INPP4B: variants seen among roughly 807,000 people sequenced by gnomAD.
The protein encoded by INPP4B is inositol polyphosphate 4-phosphatase type II.
A neutral mutation model predicts 122.5 loss-of-function variants in INPP4B; 55 were observed. The ratio of observed to expected loss-of-function variants is 0.45; its 90% CI spans 0.36 to 0.56. The LOEUF (loss-of-function observed/expected upper bound fraction) is 0.56. Ranked by LOEUF, INPP4B falls within the 20% of genes least tolerant of loss-of-function variation. INPP4B has a pLI of 0.00. For missense variants in INPP4B, 1,000 were observed against 1,097.7 expected (o/e 0.91, Z 1.26); for synonymous variants, 403 against 388.7 (o/e 1.04, Z -0.43).
chr4:142,166,820 A>C (rs1822983509), intron 16 of INPP4B, among the ~76,000 whole-genome samples: 1 of 151,970 alleles, frequency 6.6e-6, no homozygotes, highest in African/African-American at 2.4e-5. Flanking sequence ...AGAGAAATGC[A>C]AGTCAAAACC....
intron 21 of INPP4B, among the ~76,000 whole-genome samples, chr4:142,115,268 C>T (rs1426087358): frequency 6.6e-6 from 1 of 152,180 alleles, no homozygotes; most frequent in African/African-American, 2.4e-5. Flanking sequence ...CGTCCCAAAT[C>T]TAGCAAGGCA....
intron 23 of INPP4B, among the ~76,000 whole-genome samples, chr4:142,088,997 T>C (rs1001999637): frequency 6.6e-6 from 1 of 152,168 alleles, no homozygotes; most frequent in Non-Finnish European, 1.5e-5. Flanking sequence ...CCAGCAAAGA[T>C]AATGCTTTGC....
chr4:142,284,568 A>ATTC lies in INPP4B; in HGVS notation c.504-13797_504-13795dup, dbSNP rs746279958. Among the ~76,000 whole-genome samples the ATTC allele has an allele frequency of 2.6e-5, 4 of 152,162 alleles. No homozygotes were observed. The South Asian group carries it at 8.3e-4, about 32-fold the overall frequency. The stretch of plus-strand genomic sequence containing the variant: ...TAAATGTGGAGTGGGAACTTGTCAG[A>ATTC]TTCTTCTTCTCAGTGAAACAGAAAC... On this transcript the variant is annotated intron_variant, in intron 9 of 25. Coordinates refer to ENST00000262992, the MANE Select transcript of INPP4B (RefSeq NM_001101669.3).
At chr4:142,719,160 G>A (rs1052767814) in intron 2 of INPP4B, among the ~76,000 whole-genome samples, 1 of 152,092 alleles carries the variant, frequency 6.6e-6, no homozygotes, top group Non-Finnish European at 1.5e-5. Context: ...ACACTTGGTT[G>A]ACTCACACCC....
Position 142,123,426 on chromosome 4 carries a change from A to G in INPP4B, c.1894-11T>C, listed in dbSNP as rs776752882. On this transcript the variant is annotated splice_polypyrimidine_tract_variant and intron_variant, in intron 19 of 25. Transcript: ENST00000262992. ...AACCAATCCAGCAAGCTGAAAAAAA[A>G]ATATTGATGAGATTTACTGCAGTTA... The G allele has an allele frequency of 1.2e-6, 2 of 1,608,020 alleles. No homozygotes were observed. Among genetic ancestry groups the G allele is most frequent in the African/African-American group, 2.7e-5 (2 of 74,750 alleles).
rs780650077 is a variant in INPP4B at position 142,520,821 on chromosome 4, G to T, written c.-190-58095C>A. Among the ~76,000 whole-genome samples the T allele has an allele frequency of 4.3e-4, 66 of 151,998 alleles. No individual in the cohort carries two copies. In the Middle Eastern group the frequency reaches 0.014, roughly 31 times the overall value. On this transcript the variant is annotated intron_variant, in intron 2 of 25. Transcript: ENST00000262992. ...AAAATATTTGTTGAAATAAATGAAT[G>T]AATAAATGAAGGACAGATGTCTACA...
chr4:142,093,759 C>T (rs957015579), intron 23 of INPP4B, among the ~76,000 whole-genome samples: 1 of 152,094 alleles, frequency 6.6e-6, no homozygotes, highest in Admixed American at 6.5e-5. Context: ...TTCCAATTTT[C>T]AATTTATGAA....
At chr4:142,244,194 G>A (rs1860938392) in intron 11 of INPP4B, among the ~76,000 whole-genome samples, 1 of 150,060 alleles carries the variant, frequency 6.7e-6, no homozygotes, top group African/African-American at 2.5e-5. Flanking sequence ...AGTTTGCTGA[G>A]AATAATGGTT....
At chr4:142,791,115 T>C (rs1405130689) in intron 1 of INPP4B, among the ~76,000 whole-genome samples, 1 of 152,114 alleles carries the variant, frequency 6.6e-6, no homozygotes, top group Non-Finnish European at 1.5e-5. Flanking sequence ...GAAAAATATA[T>C]CATGAATTTA....
chr4:142,614,664 C>T (rs1250295013), intron 2 of INPP4B, among the ~76,000 whole-genome samples: 1 of 152,036 alleles, frequency 6.6e-6, no homozygotes, highest in Non-Finnish European at 1.5e-5. Context: ...GGGCTAATAT[C>T]CAGAACCAAA....
chr4:142,784,906 G>A (rs767408761), intron 1 of INPP4B, among the ~76,000 whole-genome samples: 5 of 151,928 alleles, frequency 3.3e-5, no homozygotes, highest in Admixed American at 6.6e-5. Flanking sequence ...CTCACTTACA[G>A]CGATAACAAA....
intron 23 of INPP4B, among the ~76,000 whole-genome samples, chr4:142,093,533 T>C (rs889944875): frequency 1.3e-5 from 2 of 152,216 alleles, no homozygotes; most frequent in African/African-American, 4.8e-5. Flanking sequence ...TTTCACTGCC[T>C]ACTCTGGTGA....
intron 12 of INPP4B, among the ~76,000 whole-genome samples, chr4:142,231,031 C>T (rs1000836804): frequency 6.6e-6 from 1 of 152,182 alleles, no homozygotes; most frequent in African/African-American, 2.4e-5. Context: ...GGTGTTAATG[C>T]TTAAGCCAAT....
intron 1 of INPP4B, among the ~76,000 whole-genome samples, chr4:142,801,432 T>C (rs1040722709): frequency 2.0e-5 from 3 of 152,180 alleles, no homozygotes; most frequent in South Asian, 2.1e-4. Context: ...GAAATTTAGA[T>C]ACATGCAGAG....
intron 2 of INPP4B, among the ~76,000 whole-genome samples, chr4:142,713,074 T>G (rs1163529747): frequency 6.6e-6 from 1 of 152,188 alleles, no homozygotes; most frequent in Admixed American, 6.5e-5. Flanking sequence ...CTCATGTATA[T>G]ATCTCAATAT....
At chr4:142,636,408 A>C (rs559784741) in intron 2 of INPP4B, among the ~76,000 whole-genome samples, 1 of 152,312 alleles carries the variant, frequency 6.6e-6, no homozygotes, top group East Asian at 1.9e-4. Flanking sequence ...TGAAAAACTA[A>C]GGAAAACCTA....
chr4:142,333,662 T>C (rs1300842219), intron 7 of INPP4B, among the ~76,000 whole-genome samples: 4 of 152,184 alleles, frequency 2.6e-5, no homozygotes, highest in African/African-American at 4.8e-5. Context: ...CAACTATTTT[T>C]TATTTTTGTT....
At chr4:142,671,027 A>C (rs1756915854) in intron 2 of INPP4B, among the ~76,000 whole-genome samples, 2 of 152,166 alleles carry the variant, frequency 1.3e-5, no homozygotes, top group Admixed American at 1.3e-4. Context: ...ATCTTAATGT[A>C]AATTTACCTA....
rs759200531 is a variant in INPP4B, at chr4:142,145,876, G to T, written c.1684C>A (p.Pro562Thr). The T allele has an allele frequency of 2.5e-6, 4 of 1,613,508 alleles. No homozygotes were observed. In the Admixed American group the frequency reaches 5.0e-5, roughly 20 times the overall value. Residue 562 changes from proline (P) to threonine (T), a missense_variant, in exon 18 of 26, where the codon CCT becomes ACT. Physicochemically the swap from Pro to Thr is conservative, Grantham distance 38 (BLOSUM62 -1). Transcript: ENST00000262992. ...SGGNNDGEKEPSLTDAIPSHP... is the reference protein window; with the variant it reads ...SGGNNDGEKETSLTDAIPSHP... ...GAGGGAATGGCATCTGTTAATGAAG[G>T]TTCCTTTTCTCCATCATTGTTGCCG...
Sources: gnomAD v4.1 joint callset for allele counts (sites outside exome capture counted in the v4.1 genomes callset) on GRCh38, gnomAD v4.1.1 for gene constraint, MANE v1.5 for transcripts, NCBI Gene and HGNC (gene_info 2026-07-23, HGNC 2026-07-21) for gene names.